ARFGAP2: variants seen among roughly 807,000 people sequenced by gnomAD.
ARFGAP2 encodes the protein ADP-ribosylation factor GTPase-activating protein 2.
Under a neutral mutation model 71.9 loss-of-function variants are expected in ARFGAP2, and 45 were observed. The ratio of observed to expected loss-of-function variants is 0.63; its 90% CI spans 0.49 to 0.80. ARFGAP2 has a LOEUF of 0.80. Among genes scored for constraint, ARFGAP2 ranks in the 30% least tolerant of loss-of-function variants. The pLI, the probability that ARFGAP2 is intolerant of heterozygous loss-of-function variation, is 0.00. For missense variants in ARFGAP2, 633 were observed against 673.9 expected, an observed-to-expected ratio of 0.94 and a Z score of 0.67; for synonymous variants, 248 against 249.2, an observed-to-expected ratio of 1.00 and a Z score of 0.05.
chr11:47,176,335 C>T, intron 2 of ARFGAP2, 181 bp downstream of exon 2: 1 of 634,600 alleles, frequency 1.6e-6, no homozygotes, highest in Non-Finnish European at 2.8e-6. Flanking sequence ...GGAGACGGAC[C>T]GCCCATGTGC....
intron 7 of ARFGAP2, chr11:47,172,778 A>G (rs1308796912): frequency 1.5e-6 from 2 of 1,291,562 alleles, no homozygotes; most frequent in East Asian, 5.5e-5. Context: ...CTTGTGGCTA[A>G]CAAGAGGCCC....
chr11:47,168,290 T>C (rs1952467867), intron 10 of ARFGAP2, 39 bp from the exon 11 acceptor site: 11 of 1,612,224 alleles, frequency 6.8e-6, no homozygotes, highest in Non-Finnish European at 8.5e-6. Context: ...GACCAAAGGA[T>C]AGGCATCAGC....
At position 47,167,987 on chromosome 11, in the gene ARFGAP2, T is replaced by C; in HGVS notation, c.1127A>G (p.Asp376Gly). The change falls in exon 12 of 16, where the codon GAT becomes GGT. Residue 376 changes from aspartate to glycine, a missense_variant. Asp to Gly is a moderately conservative substitution (Grantham distance 94, BLOSUM62 -1). Transcript: ENST00000524782. ...GESFGSRWDT[D>G]AAWGMDRVEE... is the part of the protein sequence containing the mutation. The stretch of plus-strand genomic sequence containing the variant: ...TACCCTGTCCATACCCCAGGCAGCA[T>C]CTGTATCCCAGCGGGAGCCAAAGCT... 1 of 1,614,160 alleles carries C rather than the reference T, an allele frequency of 6.2e-7. No individual in the cohort carries two copies. Among genetic ancestry groups the C allele is most frequent in the Admixed American group, 1.7e-5 (1 of 60,016 alleles).
chr11:47,175,303 A>C lies in ARFGAP2; in HGVS notation c.275T>G (p.Phe92Cys), dbSNP rs1952759538. ...ATTGGCTGTGCATCCATGTTGGCGA[A>C]AAAAAGCCGTCTGGAGAGCAAAGAA... is the stretch of plus-strand genomic sequence containing the variant. The part of the protein sequence containing the change: ...VGGNANATAF[F>C]RQHGCTANDA... The change falls in exon 4 of 16, where the codon TTT becomes TGT. Residue 92 changes from phenylalanine (F) to cysteine (C), a missense_variant. By Grantham distance (205) the Phe-to-Cys change is radical. Transcript: ENST00000524782. 6.2e-7 allele frequency: 1 copy of C among 1,614,152 alleles called. No individual in the cohort carries two copies. Among genetic ancestry groups the C allele is most frequent in the Non-Finnish European group, 8.5e-7 (1 of 1,180,022 alleles).
At chr11:47,171,872 T>C (rs1952614260) in intron 8 of ARFGAP2, 72 bp from the exon 9 acceptor site, 3 of 1,570,868 alleles carry the variant, frequency 1.9e-6, no homozygotes, top group East Asian at 2.2e-5. Context: ...TCAGGCACTG[T>C]AGCCACACCC....
chr11:47,175,878 A>G lies in ARFGAP2; in HGVS notation c.237T>C (p.Cys79=). ...DSNWNWFQLR[C]MQVGGNANAT... is the part of the protein sequence containing the mutation. ...CATTGGCATTCCCGCCGACCTGCAT[A>G]CACCTCAGCTGGAACCAGTTCCAGT... Residue 79 remains cysteine, a synonymous_variant, in exon 3 of 16, where the codon TGT becomes TGC. Coordinates refer to ENST00000524782, the MANE Select transcript of ARFGAP2 (RefSeq NM_032389.6). The G allele has an allele frequency of 6.2e-7, 1 of 1,614,160 alleles. No homozygotes were observed. The highest frequency in any genetic ancestry group is 1.1e-5 in the South Asian group (1 of 91,082).
At chr11:47,170,761 C>A (rs1196180612) in intron 10 of ARFGAP2, among the ~76,000 whole-genome samples, 3 of 152,032 alleles carry the variant, frequency 2.0e-5, no homozygotes, top group African/African-American at 7.2e-5. Context: ...GGCTGGACAA[C>A]ATAGCAAAAC....
Position 47,173,457 on chromosome 11 carries a change from G to A in ARFGAP2, c.588C>T (p.Asp196=), listed in dbSNP as rs368813668. 8 of 1,559,100 alleles carry A rather than the reference G, an allele frequency of 5.1e-6. No homozygotes were observed. The highest frequency in any genetic ancestry group is 6.9e-6 in the Non-Finnish European group (8 of 1,151,362). Residue 196 remains aspartate (D), a synonymous_variant, in exon 7 of 16, where the codon GAC becomes GAT. Transcript: ENST00000524782. The part of the protein sequence containing the change: ...LAQPEHGPNT[D]LLGTSPKASL... The stretch of plus-strand genomic sequence containing the variant: ...AGGCTTTGGGTGAGGTGCCAAGCAG[G>A]TCTGTGTTGGGGCCATGCTCCGGCT...
rs1177384196 is a variant in ARFGAP2, at chr11:47,166,312, C to G, written c.1501G>C (p.Gly501Arg). 6.2e-7 allele frequency: 1 copy of G among 1,614,246 alleles called. No individual in the cohort carries two copies. Among genetic ancestry groups the G allele is most frequent in the Non-Finnish European group, 8.5e-7 (1 of 1,180,044 alleles). Residue 501 changes from glycine (G) to arginine (R), a missense_variant, in exon 15 of 16, where the codon GGG becomes CGG. Physicochemically the swap from Gly to Arg is moderately radical, Grantham distance 125 (BLOSUM62 -2). Coordinates refer to ENST00000524782, the MANE Select transcript of ARFGAP2 (RefSeq NM_032389.6). ...CCATTGGCCAGCACAGCCATTTTCCCAGCCACAGACTTGACACCCTGCTTA... is the reference window on the plus strand; with the variant it reads ...CCATTGGCCAGCACAGCCATTTTCCGAGCCACAGACTTGACACCCTGCTTA... ...QFKQGVKSVA[G>R]KMAVLANGVM... is the part of the protein sequence containing the mutation.
At chr11:47,167,864 TTA>T in intron 12 of ARFGAP2, 43 bp downstream of exon 12, 1 of 1,489,700 alleles carries the variant, frequency 6.7e-7, no homozygotes. Flanking sequence ...TTCAGCTTGT[TTA>T]AAAAAAAAAA....
chr11:47,171,370 C>A (rs558754699), intron 10 of ARFGAP2, 56 bp downstream of exon 10: 13 of 1,604,700 alleles, frequency 8.1e-6, no homozygotes, highest in South Asian at 7.8e-5. Context: ...GAAGGCCCCG[C>A]AATGGTTCCC....
At chr11:47,174,428 G>T (rs1242060700) in intron 5 of ARFGAP2, 1 of 142,112 alleles carries the variant, frequency 7.0e-6, no homozygotes, top group African/African-American at 2.7e-5. Flanking sequence ...TCGCTCTGTC[G>T]CCCAGGCCGG....
chr11:47,173,991 T>C (rs1260145736), intron 5 of ARFGAP2, 151 bp from the exon 6 acceptor site: 35 of 1,420,768 alleles, frequency 2.5e-5, no homozygotes, highest in Non-Finnish European at 3.2e-5. Context: ...ACAGTTGCTA[T>C]TCACTGTGGA....
At chr11:47,172,164 G>T in intron 8 of ARFGAP2, 117 bp downstream of exon 8, 1 of 1,070,564 alleles carries the variant, frequency 9.3e-7, no homozygotes, top group South Asian at 1.4e-5. Context: ...GAGGTTCGGA[G>T]AAACACAGTA....
intron 10 of ARFGAP2, among the ~76,000 whole-genome samples, chr11:47,169,902 C>A (rs1005554133): frequency 6.6e-6 from 1 of 152,120 alleles, no homozygotes; most frequent in African/African-American, 2.4e-5. Flanking sequence ...ATGCCTTAAC[C>A]CCTTGGTCAT....
chr11:47,176,092 T>A (rs1952803935), intron 2 of ARFGAP2, 169 bp from the exon 3 acceptor site: 1 of 651,502 alleles, frequency 1.5e-6, no homozygotes, highest in African/African-American at 1.8e-5. Flanking sequence ...CTCCTCTTCG[T>A]TCATTTACTC....
At chr11:47,172,240 C>T (rs372471725) in intron 8 of ARFGAP2, 41 bp downstream of exon 8, 1 of 1,603,502 alleles carries the variant, frequency 6.2e-7, no homozygotes, top group African/African-American at 1.3e-5. Context: ...AGCCTGCACC[C>T]AGCTCCTAAC....
At chr11:47,168,422 T>G in intron 10 of ARFGAP2, 171 bp from the exon 11 acceptor site, 1 of 790,418 alleles carries the variant, frequency 1.3e-6, no homozygotes, top group Non-Finnish European at 2.0e-6. Context: ...TAGCTGTGTG[T>G]GGTGACCTGT....
chr11:47,170,814 C>CT (rs1001857702), intron 10 of ARFGAP2, among the ~76,000 whole-genome samples: 13 of 152,054 alleles, frequency 8.5e-5, no homozygotes, highest in Admixed American at 7.2e-4. Context: ...GGCATGGTGG[C>CT]TCCCGGCTGT....
Sources: gnomAD v4.1 joint callset for allele counts (sites outside exome capture counted in the v4.1 genomes callset) on GRCh38, gnomAD v4.1.1 for gene constraint, MANE v1.5 for transcripts, NCBI Gene and HGNC (gene_info 2026-07-23, HGNC 2026-07-21) for gene names.